TAMM41: variants seen among roughly 807,000 people sequenced by gnomAD.
TAMM41 encodes the protein phosphatidate cytidylyltransferase, mitochondrial.
TAMM41 carries 36 observed loss-of-function variants against 44.1 expected under a neutral mutation model. The ratio of observed to expected loss-of-function variants is 0.82; its 90% CI spans 0.63 to 1.08. The LOEUF (loss-of-function observed/expected upper bound fraction) is 1.08, where lower values mean the gene tolerates loss of function less well. TAMM41 is among the 50% of genes least tolerant of loss of function. TAMM41 has a pLI of 0.00. For synonymous variants in TAMM41, 164 were observed against 153.1 expected (o/e 1.07, Z -0.53); for missense variants, 417 against 404.3 (o/e 1.03, Z -0.27).
downstream of TAMM41, among the ~76,000 whole-genome samples, chr3:11,786,199 T>C (rs1160394475): frequency 6.6e-6 from 1 of 151,924 alleles, no homozygotes; most frequent in African/African-American, 2.4e-5. Flanking sequence ...AGGGTACCCC[T>C]TCTTTTTTGT....
the TAMM41 span, among the ~76,000 whole-genome samples, chr3:11,773,107 C>G: frequency 6.6e-6 from 1 of 152,070 alleles, no homozygotes; most frequent in East Asian, 1.9e-4. Flanking sequence ...CAGGCACACA[C>G]CACCATGTCC....
At chr3:11,766,192 TCTAA>T in the TAMM41 span, among the ~76,000 whole-genome samples, 2,340 of 152,030 alleles carry the variant, frequency 0.015, 62 homozygotes, top group African/African-American at 0.054. Flanking sequence ...TGAGACAGGG[TCTAA>T]CTATGTTACA....
chr3:11,812,048 C>T (rs2078103481), intron 5 of TAMM41, among the ~76,000 whole-genome samples: 1 of 152,318 alleles, frequency 6.6e-6, no homozygotes, highest in Middle Eastern at 3.4e-3. Context: ...ATGCCTCAGC[C>T]TCCCGAGTAG....
At chr3:11,789,689 T>C (rs999475481), downstream of TAMM41, among the ~76,000 whole-genome samples, 2 of 152,162 alleles carry the variant, frequency 1.3e-5, no homozygotes, top group African/African-American at 4.8e-5. Flanking sequence ...AGACAGAGGC[T>C]TGCTAGGGGC....
intron 7 of TAMM41, among the ~76,000 whole-genome samples, chr3:11,794,778 A>T (rs2077566047): frequency 6.6e-6 from 1 of 152,204 alleles, no homozygotes; most frequent in African/African-American, 2.4e-5. Context: ...ACTCTCCAGG[A>T]AACAATGTGA....
At chr3:11,777,230 T>C in the TAMM41 span, among the ~76,000 whole-genome samples, 3 of 152,336 alleles carry the variant, frequency 2.0e-5, no homozygotes, top group Admixed American at 6.5e-5. Flanking sequence ...AATCATGAGA[T>C]TGTATACCTT....
At chr3:11,838,574 C>G (rs760656801) in intron 3 of TAMM41, among the ~76,000 whole-genome samples, 1 of 152,106 alleles carries the variant, frequency 6.6e-6, no homozygotes, top group East Asian at 1.9e-4. Context: ...ACTGAGGAAC[C>G]GCCAAATGGA....
intron 3 of TAMM41, among the ~76,000 whole-genome samples, chr3:11,830,533 C>T (rs1189198630): frequency 6.6e-6 from 1 of 152,090 alleles, no homozygotes; most frequent in Non-Finnish European, 1.5e-5. Flanking sequence ...TTTTTCTCCT[C>T]AATACAGAGT....
chr3:11,818,766 C>T lies in TAMM41; in HGVS notation c.563-1429G>A, dbSNP rs895487037. On this transcript the variant is annotated intron_variant, in intron 4 of 7. Coordinates refer to ENST00000455809, the MANE Select transcript of TAMM41 (RefSeq NM_001284401.2). ...CAAAAAAATTAGCCAGACGTGGTGG[C>T]AGGCGCCTGTAGTCCCAGCTACTTG... 3.4e-4 allele frequency among the ~76,000 whole-genome samples: 52 copies of T among 151,868 alleles called. 1 individual carries two copies. The highest frequency in any genetic ancestry group is 1.3e-3 in the African/African-American group (52 of 41,412).
At chr3:11,796,464 G>A (rs1013275125) in intron 7 of TAMM41, among the ~76,000 whole-genome samples, 11 of 152,108 alleles carry the variant, frequency 7.2e-5, no homozygotes, top group Admixed American at 1.3e-4. Context: ...TTCACTAAGC[G>A]GATTCCCGGA....
chr3:11,723,440 C>T, the TAMM41 span, among the ~76,000 whole-genome samples: 2 of 151,868 alleles, frequency 1.3e-5, no homozygotes, highest in South Asian at 2.1e-4. Context: ...ATTAGCTGGG[C>T]GTGGTGGCAC....
At chr3:11,756,659 A>G in the TAMM41 span, among the ~76,000 whole-genome samples, 1 of 152,122 alleles carries the variant, frequency 6.6e-6, no homozygotes, top group Non-Finnish European at 1.5e-5. Context: ...TGAGGTAGGG[A>G]GTTCGAGACC....
chr3:11,783,467 C>G, the TAMM41 span, among the ~76,000 whole-genome samples: 1 of 152,172 alleles, frequency 6.6e-6, no homozygotes, highest in African/African-American at 2.4e-5. Context: ...GGATTAGAAG[C>G]CAGGGCAAGC....
chr3:11,809,069 T>C (rs2078007591), intron 6 of TAMM41: 1 of 225,930 alleles, frequency 4.4e-6, no homozygotes, highest in African/African-American at 2.4e-5. Flanking sequence ...GGGAAAATGC[T>C]GTGGAACGTG....
chr3:11,813,991 T>TACACACACAC (rs35804902), intron 5 of TAMM41, among the ~76,000 whole-genome samples: 3 of 145,864 alleles, frequency 2.1e-5, no homozygotes, highest in African/African-American at 5.1e-5. Context: ...CACCTGTGTA[T>TACACACACAC]ACACACACAC....
chr3:11,739,704 T>C, the TAMM41 span, among the ~76,000 whole-genome samples: 1 of 136,918 alleles, frequency 7.3e-6, no homozygotes, highest in African/African-American at 2.7e-5. Context: ...AAAAGAGACA[T>C]GTTAAGGATG....
At chr3:11,795,085 A>T (rs2077573009) in intron 7 of TAMM41, among the ~76,000 whole-genome samples, 1 of 152,198 alleles carries the variant, frequency 6.6e-6, no homozygotes, top group African/African-American at 2.4e-5. Context: ...GAGGATAATG[A>T]CTAATCCATT....
chr3:11,807,781 G>A, intron 7 of TAMM41, 52 bp downstream of exon 7: 4 of 1,536,042 alleles, frequency 2.6e-6, no homozygotes, highest in East Asian at 4.9e-5. Flanking sequence ...CCAAGAGTGT[G>A]GAAGCCACTC....
intron 6 of TAMM41, chr3:11,808,702 T>C (rs975898953): frequency 6.7e-5 from 56 of 829,764 alleles, no homozygotes; most frequent in Non-Finnish European, 8.1e-5. Context: ...GAAGTTAGTC[T>C]CTGAAGATAA....
Sources: gnomAD v4.1 joint callset for allele counts (sites outside exome capture counted in the v4.1 genomes callset) on GRCh38, gnomAD v4.1.1 for gene constraint, MANE v1.5 for transcripts, NCBI Gene and HGNC (gene_info 2026-07-23, HGNC 2026-07-21) for gene names.